The following ZBBX variants were observed in gnomAD, a reference collection of about 807,000 sequenced individuals.
ZBBX encodes the protein zinc finger B-box domain-containing protein 1.
ZBBX carries 101 observed loss-of-function variants against 108.5 expected under a neutral mutation model. That is an observed-to-expected ratio of 0.93 (90% CI 0.79 to 1.10). The LOEUF is 1.10. Among genes scored for constraint, ZBBX ranks in the 50% least tolerant of loss-of-function variants. The probability of loss-of-function intolerance (pLI) is 0.00; values close to 1 mark genes in which losing one functional copy is unlikely to be tolerated. For synonymous variants in ZBBX, 356 were observed against 323.4 expected, an observed-to-expected ratio of 1.10 and a Z score of -1.08; for missense variants, 1,009 against 941.4, an observed-to-expected ratio of 1.07 and a Z score of -0.94.
At chr3:167,348,711 G>A (rs143139717) in intron 9 of ZBBX, among the ~76,000 whole-genome samples, 5 of 152,020 alleles carry the variant, frequency 3.3e-5, no homozygotes, top group Non-Finnish European at 7.4e-5. Flanking sequence ...TATGTAACCC[G>A]AAGGAAGTTA....
intron 18 of ZBBX, among the ~76,000 whole-genome samples, chr3:167,289,678 G>A (rs551895197): frequency 1.3e-5 from 2 of 152,282 alleles, no homozygotes; most frequent in Admixed American, 1.3e-4. Flanking sequence ...GTGGCCACTT[G>A]AGCAGACACC....
At chr3:167,345,031 C>T (rs1741197978) in intron 9 of ZBBX, among the ~76,000 whole-genome samples, 1 of 151,838 alleles carries the variant, frequency 6.6e-6, no homozygotes, top group South Asian at 2.1e-4. Context: ...ACCATAAATC[C>T]TTTTAATTAT....
chr3:167,195,663 A>G, the ZBBX span, among the ~76,000 whole-genome samples: 1 of 152,180 alleles, frequency 6.6e-6, no homozygotes, highest in Admixed American at 6.5e-5. Flanking sequence ...CTTTGAGAAC[A>G]AACATATTTA....
intron 19 of ZBBX, among the ~76,000 whole-genome samples, chr3:167,285,028 G>A (rs1047767622): frequency 6.6e-6 from 1 of 151,894 alleles, no homozygotes; most frequent in Non-Finnish European, 1.5e-5. Context: ...AGTAACATGC[G>A]CCATCACTGT....
intron 17 of ZBBX, among the ~76,000 whole-genome samples, chr3:167,300,901 C>A (rs1200553474): frequency 1.3e-5 from 2 of 150,064 alleles, no homozygotes; most frequent in Admixed American, 1.3e-4. Context: ...CAGGCGTGAG[C>A]CACTGTGCCT....
chr3:167,326,730 T>C (rs1047975420), intron 11 of ZBBX, among the ~76,000 whole-genome samples: 3 of 151,982 alleles, frequency 2.0e-5, no homozygotes, highest in Admixed American at 1.3e-4. Flanking sequence ...AGCATCCAAA[T>C]AATGTCTTGA....
At chr3:167,317,370 A>C in intron 13 of ZBBX, 118 bp downstream of exon 13, 1 of 743,654 alleles carries the variant, frequency 1.3e-6, no homozygotes, top group Non-Finnish European at 2.1e-6. Flanking sequence ...AGAAAAGATT[A>C]CATGGTACAA....
At chr3:167,345,317 G>T (rs1231228734) in intron 9 of ZBBX, among the ~76,000 whole-genome samples, 1 of 151,834 alleles carries the variant, frequency 6.6e-6, no homozygotes, top group Non-Finnish European at 1.5e-5. Context: ...AAAATCTTTT[G>T]ATAGAAGAAA....
the ZBBX span, among the ~76,000 whole-genome samples, chr3:167,182,434 A>G: frequency 6.6e-6 from 1 of 152,360 alleles, no homozygotes; most frequent in East Asian, 1.9e-4. Flanking sequence ...GAGCTGTAAA[A>G]TCTGCATACG....
At chr3:167,370,700 A>G (rs904485132) in intron 4 of ZBBX, among the ~76,000 whole-genome samples, 9 of 152,256 alleles carry the variant, frequency 5.9e-5, no homozygotes, top group Admixed American at 2.6e-4. Flanking sequence ...AATGTTATAC[A>G]CGGAGCCATA....
chr3:167,248,607 C>A (rs778231129), intron 20 of ZBBX: 4 of 456,450 alleles, frequency 8.8e-6, no homozygotes, highest in Non-Finnish European at 1.3e-5. Flanking sequence ...CTCTAAAATA[C>A]CTTTTCAGTC....
chr3:167,359,833 A>G, intron 8 of ZBBX, 37 bp downstream of exon 8: 1 of 1,048,598 alleles, frequency 9.5e-7, no homozygotes, highest in Non-Finnish European at 1.3e-6. Flanking sequence ...TATACCTACT[A>G]TACAGTATAT....
At chr3:167,314,180 A>G in intron 15 of ZBBX, 64 bp from the exon 16 acceptor site, 1 of 1,419,102 alleles carries the variant, frequency 7.0e-7, no homozygotes, top group Non-Finnish European at 9.4e-7. Context: ...AGAAAATTTT[A>G]AAAGTCCCAA....
chr3:167,362,529 G>A (rs75962043), intron 6 of ZBBX, among the ~76,000 whole-genome samples: 6,349 of 152,082 alleles, frequency 0.042, 458 homozygotes, highest in African/African-American at 0.15. Flanking sequence ...CTGAAACTTC[G>A]CAATTCTGTA....
intron 4 of ZBBX, among the ~76,000 whole-genome samples, chr3:167,369,902 G>A (rs1458903080): frequency 6.6e-6 from 1 of 152,086 alleles, no homozygotes; most frequent in Admixed American, 6.6e-5. Context: ...GCAATGGGTG[G>A]GTCAAGGAAC....
chr3:167,216,592 C>A, the ZBBX span, among the ~76,000 whole-genome samples: 2 of 151,910 alleles, frequency 1.3e-5, no homozygotes, highest in African/African-American at 4.8e-5. Flanking sequence ...AAGCTACCAA[C>A]AATATTCTTC....
the ZBBX span, among the ~76,000 whole-genome samples, chr3:167,224,019 G>A: frequency 6.6e-6 from 1 of 151,854 alleles, no homozygotes; most frequent in Admixed American, 6.6e-5. Context: ...AGCTCAGGTC[G>A]ATCTGCTTGG....
intron 9 of ZBBX, among the ~76,000 whole-genome samples, chr3:167,348,591 T>G (rs893255357): frequency 1.3e-5 from 2 of 152,070 alleles, no homozygotes; most frequent in African/African-American, 4.8e-5. Flanking sequence ...AAACATCAAA[T>G]TATGCACCTT....
chr3:167,343,951 A>G (rs889566662), intron 9 of ZBBX, among the ~76,000 whole-genome samples: 8 of 151,996 alleles, frequency 5.3e-5, no homozygotes, highest in African/African-American at 1.9e-4. Flanking sequence ...ATAATAGCCA[A>G]AAGGTGGAAA....
Sources: allele counts gnomAD v4.1 joint callset (sites outside exome capture counted in the v4.1 genomes callset), GRCh38; gene constraint gnomAD v4.1.1; transcripts MANE v1.5; gene names NCBI Gene and HGNC (gene_info 2026-07-23, HGNC 2026-07-21).